GTF2E2: variants seen among roughly 807,000 people sequenced by gnomAD.
GTF2E2 encodes the protein transcription initiation factor IIE subunit beta.
In GTF2E2, 21 loss-of-function variants were observed where a neutral mutation model predicts 40.5. That is an observed-to-expected ratio of 0.52 (90% CI 0.37 to 0.75). The LOEUF (loss-of-function observed/expected upper bound fraction) is 0.75, where lower values mean the gene tolerates loss of function less well. GTF2E2 is among the 30% of genes least tolerant of loss of function. The probability of loss-of-function intolerance (pLI) is 0.00; values close to 1 mark genes in which losing one functional copy is unlikely to be tolerated. For synonymous variants in GTF2E2, 117 were observed against 121.6 expected, an observed-to-expected ratio of 0.96 and a Z score of 0.25; for missense variants, 298 against 338.4, an observed-to-expected ratio of 0.88 and a Z score of 0.94.
chr8:30,650,310 T>C (rs1429162111), intron 2 of GTF2E2, among the ~76,000 whole-genome samples: 1 of 152,114 alleles, frequency 6.6e-6, no homozygotes, highest in Non-Finnish European at 1.5e-5. Flanking sequence ...TGTTAATATA[T>C]CATATTAATA....
At chr8:30,599,924 A>T (rs1457166370) in intron 6 of GTF2E2, among the ~76,000 whole-genome samples, 1 of 152,194 alleles carries the variant, frequency 6.6e-6, no homozygotes, top group African/African-American at 2.4e-5. Flanking sequence ...CAGAGGTTGC[A>T]GTGAGCGGAG....
intron 6 of GTF2E2, among the ~76,000 whole-genome samples, chr8:30,606,124 T>G (rs1258605881): frequency 6.6e-6 from 1 of 152,266 alleles, no homozygotes; most frequent in African/African-American, 2.4e-5. Context: ...ATACTTGCTT[T>G]GTTATATAAA....
At chr8:30,593,062 C>T (rs918863383) in intron 6 of GTF2E2, among the ~76,000 whole-genome samples, 11 of 152,150 alleles carry the variant, frequency 7.2e-5, no homozygotes, top group Non-Finnish European at 1.5e-4. Flanking sequence ...GGTGTGGTGG[C>T]ACGTGCCTGT....
chr8:30,596,724 T>TAC (rs1829018170), intron 6 of GTF2E2, among the ~76,000 whole-genome samples: 1 of 152,214 alleles, frequency 6.6e-6, no homozygotes, highest in Non-Finnish European at 1.5e-5. Flanking sequence ...ATATCCTTTG[T>TAC]AAGACAGCTA....
chr8:30,621,726 C>T (rs2151136063), intron 3 of GTF2E2, among the ~76,000 whole-genome samples: 1 of 151,932 alleles, frequency 6.6e-6, no homozygotes, highest in East Asian at 1.9e-4. Flanking sequence ...CTATTAATTC[C>T]AGTAGTTCCC....
At chr8:30,635,684 C>G (rs1801577422) in intron 2 of GTF2E2, among the ~76,000 whole-genome samples, 1 of 151,982 alleles carries the variant, frequency 6.6e-6, no homozygotes, top group East Asian at 1.9e-4. Context: ...CACCAGGCCC[C>G]TTTCTCCTTT....
At chr8:30,589,739 G>A (rs1330171555) in intron 6 of GTF2E2, among the ~76,000 whole-genome samples, 3 of 152,140 alleles carry the variant, frequency 2.0e-5, no homozygotes, top group Non-Finnish European at 4.4e-5. Context: ...GTGCAGCAGA[G>A]GCTGGACAGA....
At chr8:30,650,652 C>CGCCAGCAGTGAGCCATGATCAT (rs550184613) in intron 2 of GTF2E2, among the ~76,000 whole-genome samples, 1 of 151,936 alleles carries the variant, frequency 6.6e-6, no homozygotes, top group Non-Finnish European at 1.5e-5. Flanking sequence ...GCCATGATCA[C>CGCCAGCAGTGAGCCATGATCAT]GCCAGCAGTG....
At chr8:30,606,443 A>G (rs1015871988) in intron 6 of GTF2E2, among the ~76,000 whole-genome samples, 1 of 152,250 alleles carries the variant, frequency 6.6e-6, no homozygotes, top group Admixed American at 6.5e-5. Flanking sequence ...ACAGTAAAAT[A>G]CCACCAACAC....
chr8:30,606,593 G>A (rs1342147620), intron 6 of GTF2E2, among the ~76,000 whole-genome samples: 1 of 152,086 alleles, frequency 6.6e-6, no homozygotes, highest in African/African-American at 2.4e-5. Context: ...TCAATATACA[G>A]CTTAGCATCC....
At chr8:30,607,373 G>A (rs1439384677) in intron 5 of GTF2E2, among the ~76,000 whole-genome samples, 2 of 152,070 alleles carry the variant, frequency 1.3e-5, no homozygotes, top group South Asian at 4.2e-4. Context: ...CAACCTCCCA[G>A]GCTCAAGCAA....
At position 30,585,772 on chromosome 8, in the gene GTF2E2, T is replaced by TAAA. The variant is rs146018850; in HGVS notation, c.644-5379_644-5377dup. On this transcript the variant is annotated intron_variant, in intron 6 of 7. Transcript: ENST00000355904. ...AGCATTAAGGTACATCTTTGCCCTT[T>TAAA]AAAAAAAAAAAAAAAAAAAAAAAAA... Among the ~76,000 whole-genome samples the TAAA allele has an allele frequency of 1.5e-3, 102 of 67,658 alleles. 2 individuals carry two copies. Among genetic ancestry groups the TAAA allele is most frequent in the Middle Eastern group, 0.016 (1 of 64 alleles). The allele number at this position is 67,658 out of a possible 152,430, so 44.4% of individuals were successfully genotyped here. A position where few individuals can be genotyped will look rare whatever the true frequency, so the allele number is the denominator to read the frequency against.
At chr8:30,626,358 G>C (rs531104686) in intron 3 of GTF2E2, among the ~76,000 whole-genome samples, 1 of 152,226 alleles carries the variant, frequency 6.6e-6, no homozygotes, top group Admixed American at 6.5e-5. Context: ...GGTGGCACAC[G>C]CCTGTAGTCC....
intron 2 of GTF2E2, 126 bp from the exon 3 acceptor site, chr8:30,635,249 T>G (rs1801559696): frequency 1.8e-6 from 1 of 546,190 alleles, no homozygotes. Context: ...TACCCTGTAA[T>G]ATTCTGGTGA....
intron 6 of GTF2E2, among the ~76,000 whole-genome samples, chr8:30,599,643 T>C (rs1829115944): frequency 6.8e-6 from 1 of 146,722 alleles, no homozygotes; most frequent in Non-Finnish European, 1.5e-5. Context: ...CCAGAAAAAA[T>C]TGTTTTAGAG....
chr8:30,631,213 C>T (rs935188237), intron 3 of GTF2E2, among the ~76,000 whole-genome samples: 1 of 151,976 alleles, frequency 6.6e-6, no homozygotes, highest in Admixed American at 6.6e-5. Context: ...TTAGTAGAGA[C>T]GGGGTTTCAC....
At chr8:30,580,198 C>A in intron 7 of GTF2E2, 83 bp downstream of exon 7, 1 of 777,274 alleles carries the variant, frequency 1.3e-6, no homozygotes, top group Non-Finnish European at 2.2e-6. Context: ...GGAACAACTC[C>A]CAGCTCTTCA....
At chr8:30,623,396 T>C (rs1288812788) in intron 3 of GTF2E2, among the ~76,000 whole-genome samples, 1 of 152,112 alleles carries the variant, frequency 6.6e-6, no homozygotes, top group Admixed American at 6.5e-5. Flanking sequence ...TATGGCTGCA[T>C]AGTATTCCAT....
Position 30,607,046 on chromosome 8 carries a change from G to GA in GTF2E2, c.643+10dup. 1 of 1,096,004 alleles carries GA rather than the reference G, an allele frequency of 9.1e-7. No individual in the cohort carries two copies. Among genetic ancestry groups the GA allele is most frequent in the Non-Finnish European group, 1.4e-6 (1 of 735,044 alleles). The allele number at this position is 1,096,004 out of a possible 1,614,324, so 67.9% of individuals were successfully genotyped here. On this transcript the variant is annotated intron_variant, in intron 6 of 7. Coordinates refer to ENST00000355904, the MANE Select transcript of GTF2E2 (RefSeq NM_002095.6). ...TACTTGCAAACTAAAGTATAATACA[G>GA]AAAAGCTCACCTTCATCCACAGAAA...
Sources: gnomAD v4.1 joint callset for allele counts (sites outside exome capture counted in the v4.1 genomes callset) on GRCh38, gnomAD v4.1.1 for gene constraint, MANE v1.5 for transcripts, NCBI Gene and HGNC (gene_info 2026-07-23, HGNC 2026-07-21) for gene names.